The following ABCA13 variants were observed in gnomAD, a reference collection of about 807,000 sequenced individuals.
ABCA13 encodes ATP binding cassette subfamily A member 13.
ABCA13 carries 476 observed loss-of-function variants against 478.7 expected under a neutral mutation model. The observed-to-expected ratio is 0.99, with a 90% confidence interval of 0.92 to 1.07. The LOEUF (loss-of-function observed/expected upper bound fraction) is 1.07, where lower values mean the gene tolerates loss of function less well. ABCA13 is among the 50% of genes least tolerant of loss of function. The pLI is 0.00. For synonymous variants in ABCA13, 2,252 were observed against 2,158.9 expected, an observed-to-expected ratio of 1.04 and a Z score of -1.20; for missense variants, 6,060 against 5,910.6, an observed-to-expected ratio of 1.03 and a Z score of -0.83.
intron 19 of ABCA13, among the ~76,000 whole-genome samples, chr7:48,287,076 G>T (rs1317148787): frequency 7.1e-6 from 1 of 141,526 alleles, no homozygotes; most frequent in Non-Finnish European, 1.5e-5. Flanking sequence ...TGCGCAGCAG[G>T]GAGGGGAGGG....
At chr7:48,401,700 A>AC (rs1047122076) in intron 38 of ABCA13, among the ~76,000 whole-genome samples, 3 of 148,162 alleles carry the variant, frequency 2.0e-5, no homozygotes, top group African/African-American at 7.5e-5. Context: ...CACTTCCTCC[A>AC]CCCTATCATT....
chr7:48,457,426 A>G (rs1825799094), intron 43 of ABCA13, among the ~76,000 whole-genome samples: 1 of 152,128 alleles, frequency 6.6e-6, no homozygotes, highest in Non-Finnish European at 1.5e-5. Context: ...TACCATTTTC[A>G]GTTGACTCCA....
intron 31 of ABCA13, among the ~76,000 whole-genome samples, chr7:48,363,990 C>T (rs1811286120): frequency 1.3e-5 from 2 of 152,152 alleles, no homozygotes; most frequent in South Asian, 4.1e-4. Flanking sequence ...ATGCAACTCT[C>T]AATCTCTTTT....
intron 28 of ABCA13, among the ~76,000 whole-genome samples, chr7:48,337,487 T>C (rs544627568): frequency 4.4e-4 from 67 of 152,296 alleles, no homozygotes; most frequent in Middle Eastern, 3.4e-3. Flanking sequence ...TGTAATAAGG[T>C]GAATGTGAGA....
At chr7:48,544,491 C>T (rs921464399) in intron 55 of ABCA13, among the ~76,000 whole-genome samples, 88 of 151,430 alleles carry the variant, frequency 5.8e-4, no homozygotes, top group Middle Eastern at 3.4e-3. Context: ...AAATGACCAA[C>T]GATTTATTCA....
chr7:48,558,151 ATCCCTCCCTCCC>A (rs905972097), intron 55 of ABCA13, among the ~76,000 whole-genome samples: 1 of 99,304 alleles, frequency 1.0e-5, no homozygotes, highest in Non-Finnish European at 2.1e-5. Context: ...TCCTTTCTCC[ATCCCTCCCTCCC>A]TCCCTCCCTC....
In ABCA13 at chr7:48,281,452, G is replaced by A. The variant is rs1202055588; in HGVS notation, c.8836G>A (p.Glu2946Lys). ...MVVRVLTIVAENPSWTKDILC... is the reference protein window; with the variant it reads ...MVVRVLTIVAKNPSWTKDILC... ...CGTACGTGTGCTCACCATCGTTGCA[G>A]GTGGGCTGCTCATATAACAAGTGCT... is the stretch of plus-strand genomic sequence containing the variant. The change falls in exon 19 of 62, where the codon GAA (glutamate) becomes AAA (lysine). Residue 2946 changes from glutamate (E) to lysine (K), a missense_variant and splice_region_variant. This residue lies in a region of ABCA13 where 4,423 missense variants were observed against 4,309.1 expected (regional missense o/e 1.03). Transcript: ENST00000435803. 5.0e-6 allele frequency: 8 copies of A among 1,589,074 alleles called. No individual in the cohort carries two copies. Among genetic ancestry groups the A allele is most frequent in the Non-Finnish European group, 6.9e-6 (8 of 1,167,306 alleles).
At chr7:48,193,076 T>G (rs754755975) in intron 2 of ABCA13, 24 bp downstream of exon 2, 111 of 1,482,088 alleles carry the variant, frequency 7.5e-5, no homozygotes, top group Non-Finnish European at 9.7e-5. Context: ...TTTAATATAC[T>G]TTTTGAATTA....
chr7:48,235,512 G>C (rs1031325501), intron 8 of ABCA13, among the ~76,000 whole-genome samples: 1 of 152,152 alleles, frequency 6.6e-6, no homozygotes, highest in Non-Finnish European at 1.5e-5. Context: ...GCTTTCTATT[G>C]CTGCTGTAGC....
Position 48,279,489 on chromosome 7 carries a change from T to A in ABCA13, c.8295T>A (p.Thr2765=), listed in dbSNP as rs751125385. 9 of 1,612,600 alleles carry A rather than the reference T, an allele frequency of 5.6e-6. No homozygotes were observed. In the East Asian group the frequency reaches 2.0e-4, roughly 36 times the overall value. Residue 2765 remains threonine, a synonymous_variant, in exon 18 of 62, where the codon ACT becomes ACA. Coordinates refer to ENST00000435803, the MANE Select transcript of ABCA13 (RefSeq NM_152701.5). ...TTTCTAATGTGTTGATGACATTTAC[T>A]CAGCATCCAAATAACCTTTTGAAAA... ...WNVSNVLMTF[T]QHPNNLLKTI... is the part of the protein sequence containing the mutation.
At chr7:48,359,299 A>T (rs1334001730) in intron 31 of ABCA13, among the ~76,000 whole-genome samples, 1 of 151,664 alleles carries the variant, frequency 6.6e-6, no homozygotes, top group African/African-American at 2.4e-5. Flanking sequence ...AATCTGCATG[A>T]CTCTGGCAAT....
chr7:48,609,023 A>G (rs1028875406), intron 58 of ABCA13, among the ~76,000 whole-genome samples: 1 of 152,190 alleles, frequency 6.6e-6, no homozygotes, highest in Non-Finnish European at 1.5e-5. Context: ...ATTAAATTTG[A>G]TAAACCTTCT....
intron 58 of ABCA13, among the ~76,000 whole-genome samples, chr7:48,596,905 T>G (rs1790343762): frequency 6.6e-6 from 1 of 152,110 alleles, no homozygotes; most frequent in South Asian, 2.1e-4. Flanking sequence ...TTTCATTAAC[T>G]GAATCATATA....
chr7:48,248,208 AT>A, intron 13 of ABCA13, 30 bp from the exon 14 acceptor site: 2 of 1,577,160 alleles, frequency 1.3e-6, no homozygotes, highest in Non-Finnish European at 1.7e-6. Context: ...TGCTTTATTT[AT>A]TATAAGCAAT....
chr7:48,545,573 G>A (rs1296016206), intron 55 of ABCA13, among the ~76,000 whole-genome samples: 4 of 151,040 alleles, frequency 2.6e-5, no homozygotes, highest in Non-Finnish European at 5.9e-5. Context: ...TTTTTCAAGA[G>A]CCCATTAAAG....
intron 38 of ABCA13, among the ~76,000 whole-genome samples, chr7:48,395,444 A>G (rs1026197270): frequency 6.6e-6 from 1 of 152,206 alleles, no homozygotes; most frequent in Non-Finnish European, 1.5e-5. Flanking sequence ...TTCAACATAC[A>G]GTTGACTCTT....
At chr7:48,516,637 C>T (rs1832135806) in intron 51 of ABCA13, 88 bp from the exon 52 acceptor site, 2 of 1,351,758 alleles carry the variant, frequency 1.5e-6, no homozygotes. Context: ...CAGGGATTCA[C>T]CCCAAGGTCT....
intron 29 of ABCA13, among the ~76,000 whole-genome samples, chr7:48,343,101 C>CT (rs143131889): frequency 5.2e-4 from 75 of 143,712 alleles, no homozygotes; most frequent in Middle Eastern, 7.1e-3. Context: ...TTTTCTCTTG[C>CT]TTTTTTTTTT....
intron 5 of ABCA13, 119 bp from the exon 6 acceptor site, chr7:48,227,143 T>G: frequency 1.1e-6 from 1 of 892,644 alleles, no homozygotes; most frequent in Non-Finnish European, 1.8e-6. Context: ...ATATATTAAG[T>G]GTGAGTTTCT....
Sources: gnomAD v4.1 joint callset for allele counts (sites outside exome capture counted in the v4.1 genomes callset) on GRCh38, gnomAD v4.1.1 for gene constraint, gnomAD v4.1.1 regional missense constraint, MANE v1.5 for transcripts, NCBI Gene and HGNC (gene_info 2026-07-23, HGNC 2026-07-21) for gene names.